The following MMD variants were observed in gnomAD, a reference collection of about 807,000 sequenced individuals.
MMD encodes the protein monocyte to macrophage differentiation associated, also known as monocyte to macrophage differentiation factor.
Under a neutral mutation model 33.6 loss-of-function variants are expected in MMD, and 22 were observed. That is an observed-to-expected ratio of 0.66 (90% CI 0.47 to 0.94). The LOEUF is 0.94. Among genes scored for constraint, MMD ranks in the 40% least tolerant of loss-of-function variants. The pLI, the probability that MMD is intolerant of heterozygous loss-of-function variation, is 0.00. For missense variants in MMD, 242 were observed against 309.8 expected, an observed-to-expected ratio of 0.78 and a Z score of 1.64; for synonymous variants, 97 against 103.2, an observed-to-expected ratio of 0.94 and a Z score of 0.36.
intron 4 of MMD, chr17:55,404,690 G>A: frequency 1.0e-6 from 1 of 985,092 alleles, no homozygotes. Context: ...AGACATTTTG[G>A]TAGAATTTAA....
In MMD at chr17:55,409,778, T is replaced by A. The variant is rs572845365; in HGVS notation, c.269+1479A>T. 2.0e-5 allele frequency among the ~76,000 whole-genome samples: 3 copies of A among 152,350 alleles called. No individual in the cohort carries two copies. The East Asian group carries it at 5.8e-4, about 29-fold the overall frequency. ...GAATACTGAAGTAGGTACCTACAAC[T>A]TTTTATTGATCCAAAATCTAGACAT... On this transcript the variant is annotated intron_variant, in intron 3 of 6. Transcript: ENST00000262065.
At chr17:55,407,716 A>G in intron 4 of MMD, 30 bp downstream of exon 4, 2 of 1,573,818 alleles carry the variant, frequency 1.3e-6, no homozygotes, top group Non-Finnish European at 1.7e-6. Flanking sequence ...TAAAATCACT[A>G]CCTTCGAAAA....
chr17:55,414,152 G>A lies in MMD; in HGVS notation c.107C>T (p.Ala36Val), dbSNP rs1222481802. The A allele has an allele frequency of 6.2e-7, 1 of 1,613,738 alleles. No homozygotes were observed. The highest frequency in any genetic ancestry group is 8.5e-7 in the Non-Finnish European group (1 of 1,179,704). ...CAATGGTGGAAAACTTGTACTCACTGCGTGTGTGTAACAGTTAGCAGCATG... is the reference window on the plus strand; with the variant it reads ...CAATGGTGGAAAACTTGTACTCACTACGTGTGTGTAACAGTTAGCAGCATG... ...YEHAANCYTHAFLIVPAIVGS... is the reference protein window; with the variant it reads ...YEHAANCYTHVFLIVPAIVGS... The change falls in exon 2 of 7, where the codon GCA becomes GTA. Residue 36 changes from alanine to valine, a missense_variant and splice_region_variant. Physicochemically the swap from Ala to Val is moderately conservative, Grantham distance 64 (BLOSUM62 0). Transcript: ENST00000262065.
At chr17:55,406,535 T>C (rs563748178) in intron 4 of MMD, among the ~76,000 whole-genome samples, 1 of 151,788 alleles carries the variant, frequency 6.6e-6, no homozygotes, top group East Asian at 2.0e-4. Context: ...GCCACTGTAC[T>C]CCAGCCTGGG....
intron 4 of MMD, among the ~76,000 whole-genome samples, chr17:55,406,965 A>G (rs577979220): frequency 6.6e-6 from 1 of 152,216 alleles, no homozygotes; most frequent in African/African-American, 2.4e-5. Flanking sequence ...CAGGAGGCAG[A>G]GATTGTAGTG....
chr17:55,417,542 G>A (rs1448721203), intron 1 of MMD, among the ~76,000 whole-genome samples: 2 of 152,090 alleles, frequency 1.3e-5, no homozygotes, highest in African/African-American at 2.4e-5. Flanking sequence ...TGTAATCCCA[G>A]CACTTTTGGG....
At chr17:55,400,960 CA>C (rs1907304348) in intron 6 of MMD, among the ~76,000 whole-genome samples, 1 of 150,840 alleles carries the variant, frequency 6.6e-6, no homozygotes, top group African/African-American at 2.4e-5. Flanking sequence ...AACAAACAAA[CA>C]AAAAAAGTGC....
chr17:55,396,905 G>A (rs1171169458), intron 6 of MMD, among the ~76,000 whole-genome samples: 3 of 151,862 alleles, frequency 2.0e-5, no homozygotes, highest in Non-Finnish European at 4.4e-5. Flanking sequence ...GTGAGCCACC[G>A]CGCCTGGCCA....
intron 1 of MMD, 78 bp downstream of exon 1, chr17:55,421,592 G>A: frequency 1.3e-6 from 2 of 1,574,294 alleles, no homozygotes; most frequent in Non-Finnish European, 1.7e-6. Flanking sequence ...TGAGGAGCCG[G>A]GAGCCGTGCG....
intron 2 of MMD, among the ~76,000 whole-genome samples, chr17:55,412,411 A>G (rs1907799585): frequency 6.6e-6 from 1 of 152,230 alleles, no homozygotes; most frequent in Non-Finnish European, 1.5e-5. Flanking sequence ...TGAGAATTTT[A>G]GAGAGATTTG....
In MMD at chr17:55,404,706, G is replaced by T. The variant is rs529234145; in HGVS notation, c.345-838C>A. The T allele has an allele frequency of 8.4e-5, 83 of 984,948 alleles. No homozygotes were observed. The South Asian group carries it at 2.0e-3, about 24-fold the overall frequency. The allele number at this position is 984,948 out of a possible 1,614,324, so 61.0% of individuals were successfully genotyped here. On this transcript the variant is annotated intron_variant, in intron 4 of 6. Transcript: ENST00000262065. ...GACATTTTGGTAGAATTTAACCATG[G>T]ACTGTTGTGAGGTTTGAATTTTAAA...
At chr17:55,418,869 G>C (rs1315179922) in intron 1 of MMD, among the ~76,000 whole-genome samples, 1 of 152,174 alleles carries the variant, frequency 6.6e-6, no homozygotes, top group African/African-American at 2.4e-5. Context: ...CTGAGGAAAA[G>C]GGCTTCTTTT....
At chr17:55,412,402 G>A (rs1907799141) in intron 2 of MMD, among the ~76,000 whole-genome samples, 2 of 152,160 alleles carry the variant, frequency 1.3e-5, no homozygotes, top group African/African-American at 2.4e-5. Context: ...AAAAAATCTT[G>A]AGAATTTTAG....
chr17:55,421,584 A>AGGAGCCG (rs1479345991), intron 1 of MMD, 86 bp downstream of exon 1: 17 of 1,557,766 alleles, frequency 1.1e-5, no homozygotes, highest in Non-Finnish European at 1.4e-5. Flanking sequence ...AATCCAGGTG[A>AGGAGCCG]GGAGCCGGGA....
chr17:55,405,006 G>A (rs1907488300), intron 4 of MMD, among the ~76,000 whole-genome samples: 1 of 151,814 alleles, frequency 6.6e-6, no homozygotes. Context: ...AGGTTGCAGT[G>A]AGCTGAGATC....
intron 6 of MMD, among the ~76,000 whole-genome samples, chr17:55,397,934 T>TTC (rs148263429): frequency 0.022 from 3,408 of 152,222 alleles, 60 homozygotes; most frequent in South Asian, 0.054. Context: ...TTGCTCTTTT[T>TTC]TCTCTCTCTG....
intron 1 of MMD, among the ~76,000 whole-genome samples, chr17:55,418,828 T>A (rs1908067949): frequency 6.6e-6 from 1 of 152,234 alleles, no homozygotes; most frequent in Non-Finnish European, 1.5e-5. Context: ...TATCCAGTTT[T>A]GAAGCTAGCT....
In MMD at chr17:55,403,902, G is replaced by C. The variant is rs189122581; in HGVS notation, c.345-34C>G. 130 of 1,501,774 alleles carry C rather than the reference G, an allele frequency of 8.7e-5. 1 individual carries two copies. The East Asian group carries it at 2.9e-3, about 34-fold the overall frequency. 93.0% of individuals were successfully genotyped at this position (1,501,774 alleles called of 1,614,324 possible). ...GTAAACGTGACAACAAAGAACAGAA[G>C]TGATAAATGAAGGGAATTCATAGAA... On this transcript the variant is annotated intron_variant, in intron 4 of 6. Coordinates refer to ENST00000262065, the MANE Select transcript of MMD (RefSeq NM_012329.3).
intron 1 of MMD, among the ~76,000 whole-genome samples, chr17:55,419,890 A>C (rs1456507169): frequency 2.6e-5 from 4 of 152,200 alleles, no homozygotes; most frequent in Admixed American, 1.3e-4. Flanking sequence ...AAATACCTGT[A>C]TTTTTAGTTT....
Sources: gnomAD v4.1 joint callset for allele counts (sites outside exome capture counted in the v4.1 genomes callset) on GRCh38, gnomAD v4.1.1 for gene constraint, MANE v1.5 for transcripts, NCBI Gene and HGNC (gene_info 2026-07-23, HGNC 2026-07-21) for gene names.